IGFBP5: variants seen among roughly 807,000 people sequenced by gnomAD.
The protein encoded by IGFBP5 is insulin-like growth factor-binding protein 5.
Under a neutral mutation model 28.0 loss-of-function variants are expected in IGFBP5, and 12 were observed. The ratio of observed to expected loss-of-function variants is 0.43; its 90% CI spans 0.27 to 0.69. The LOEUF is 0.69. Among genes scored for constraint, IGFBP5 ranks in the 30% least tolerant of loss-of-function variants. The pLI, the probability that IGFBP5 is intolerant of heterozygous loss-of-function variation, is 0.20. For missense variants in IGFBP5, 344 were observed against 381.6 expected, an observed-to-expected ratio of 0.90 and a Z score of 0.82; for synonymous variants, 152 against 150.2, an observed-to-expected ratio of 1.01 and a Z score of -0.09.
chr2:216,681,401 G>T (rs1457247549), intron 1 of IGFBP5, among the ~76,000 whole-genome samples: 2 of 152,280 alleles, frequency 1.3e-5, no homozygotes, highest in Admixed American at 6.5e-5. Flanking sequence ...GAGGGCAGGT[G>T]GGGGAGTGGG....
chr2:216,691,629 A>G (rs954324996), intron 1 of IGFBP5, among the ~76,000 whole-genome samples: 1 of 151,898 alleles, frequency 6.6e-6, no homozygotes, highest in African/African-American at 2.4e-5. Context: ...CCAGTTGCTC[A>G]GCAACAGCCT....
At chr2:216,684,361 G>C (rs1689011905) in intron 1 of IGFBP5, among the ~76,000 whole-genome samples, 1 of 152,294 alleles carries the variant, frequency 6.6e-6, no homozygotes, top group Middle Eastern at 3.4e-3. Flanking sequence ...GCCTGTTCCT[G>C]GGCTGGTGTT....
intron 1 of IGFBP5, among the ~76,000 whole-genome samples, chr2:216,681,452 G>A (rs1465324737): frequency 2.0e-5 from 3 of 152,288 alleles, no homozygotes; most frequent in African/African-American, 2.4e-5. Flanking sequence ...GTCTCCTTCA[G>A]TGGGCTGCCC....
intron 1 of IGFBP5, among the ~76,000 whole-genome samples, chr2:216,683,407 T>C (rs1689002269): frequency 6.6e-6 from 1 of 152,150 alleles, no homozygotes; most frequent in South Asian, 2.1e-4. Flanking sequence ...TTTGGGTGCC[T>C]CCCTCTCCTA....
Position 216,692,033 on chromosome 2 carries a change from C to T in IGFBP5, c.337+2406G>A, listed in dbSNP as rs1054511287. 2.0e-5 allele frequency among the ~76,000 whole-genome samples: 3 copies of T among 151,942 alleles called. No individual in the cohort carries two copies. The highest frequency in any genetic ancestry group is 7.3e-5 in the African/African-American group (3 of 41,330). ...ACTCTCCCTCTCTCTGTCCATTTCTCTCTCCTTAAGAACGGTCTCTACACC... is the reference window on the plus strand; with the variant it reads ...ACTCTCCCTCTCTCTGTCCATTTCTTTCTCCTTAAGAACGGTCTCTACACC... On this transcript the variant is annotated intron_variant, in intron 1 of 3. Transcript: ENST00000233813. The surrounding 1 kb of genome is among the most constrained non-coding windows in gnomAD (Gnocchi z 4.2).
At chr2:216,693,465 G>T in intron 1 of IGFBP5, among the ~76,000 whole-genome samples, 1 of 141,496 alleles carries the variant, frequency 7.1e-6, no homozygotes, top group South Asian at 2.6e-4. Flanking sequence ...ATTGCGGAGG[G>T]AGGAATTGCG....
rs748988987 is a variant in IGFBP5, at chr2:216,678,241, C to T, written c.568-10G>A. 1.3e-6 allele frequency: 2 copies of T among 1,540,728 alleles called. No individual in the cohort carries two copies. The highest frequency in any genetic ancestry group is 1.8e-6 in the Non-Finnish European group (2 of 1,139,342). On this transcript the variant is annotated splice_polypyrimidine_tract_variant and intron_variant, in intron 2 of 3. Coordinates refer to ENST00000233813, the MANE Select transcript of IGFBP5 (RefSeq NM_000599.4). ...GTCTGCGGCAGGGGCCCTGTGTGGACAGGAGGGTGAGAGGCGTGGCGAGAC... is the reference window on the plus strand; with the variant it reads ...GTCTGCGGCAGGGGCCCTGTGTGGATAGGAGGGTGAGAGGCGTGGCGAGAC...
intron 1 of IGFBP5, among the ~76,000 whole-genome samples, chr2:216,691,902 G>A (rs1559189291): frequency 1.4e-5 from 2 of 145,546 alleles, no homozygotes; most frequent in African/African-American, 5.1e-5. Flanking sequence ...GGGAGGGAGG[G>A]GGCAAATCCA....
Position 216,676,459 on chromosome 2 carries a change from CTCTTCCTCTCGT to C in IGFBP5, c.*280_*291del. 8.7e-6 allele frequency: 2 copies of C among 230,850 alleles called. No individual in the cohort carries two copies. Among genetic ancestry groups the C allele is most frequent in the South Asian group, 1.1e-4 (2 of 17,404 alleles). The allele number at this position is 230,850 out of a possible 1,614,324, so 14.3% of individuals were successfully genotyped here. ...TTCTACACAAACACTTCCTTCCCTT[CTCTTCCTCTCGT>C]TCTTCCTCTCTTCCCTTCTCTGTTC... is the stretch of plus-strand genomic sequence containing the variant. On this transcript the variant is annotated 3_prime_UTR_variant, in exon 4 of 4. Transcript: ENST00000233813.
intron 1 of IGFBP5, among the ~76,000 whole-genome samples, chr2:216,689,207 G>T (rs10932672): frequency 6.6e-6 from 1 of 152,132 alleles, no homozygotes; most frequent in Non-Finnish European, 1.5e-5. Flanking sequence ...ACTACAGGCC[G>T]CTGCACAGCT....
rs1245199524 is a variant in IGFBP5, at chr2:216,674,260, A to G, written c.*2491T>C. ...CAGTGACGTGGAAGAGGTTTGGGAT[A>G]CTGGCCTAAGACATACAGAAACGTG... is the stretch of plus-strand genomic sequence containing the variant. On this transcript the variant is annotated 3_prime_UTR_variant, in exon 4 of 4. Coordinates refer to ENST00000233813, the MANE Select transcript of IGFBP5 (RefSeq NM_000599.4). This position sits in a 1 kb window ranked among gnomAD's most constrained non-coding sequence, Gnocchi z 4.4. The G allele has an allele frequency of 6.5e-6, 1 of 153,360 alleles. No individual in the cohort carries two copies. The highest frequency in any genetic ancestry group is 1.5e-5 in the Non-Finnish European group (1 of 68,100). 9.5% of individuals were successfully genotyped at this position (153,360 alleles called of 1,614,324 possible).
rs1002511997 is a variant in IGFBP5 at position 216,674,254 on chromosome 2, T to G, written c.*2497A>C. The stretch of plus-strand genomic sequence containing the variant: ...AAAGAACAGTGACGTGGAAGAGGTT[T>G]GGGATACTGGCCTAAGACATACAGA... On this transcript the variant is annotated 3_prime_UTR_variant, in exon 4 of 4. Coordinates refer to ENST00000233813, the MANE Select transcript of IGFBP5 (RefSeq NM_000599.4). This position sits in a 1 kb window ranked among gnomAD's most constrained non-coding sequence, Gnocchi z 4.4. 2 of 153,324 alleles carry G rather than the reference T, an allele frequency of 1.3e-5. No individual in the cohort carries two copies. The highest frequency in any genetic ancestry group is 2.9e-5 in the Non-Finnish European group (2 of 68,120). 9.5% of individuals were successfully genotyped at this position (153,324 alleles called of 1,614,324 possible).
intron 1 of IGFBP5, among the ~76,000 whole-genome samples, chr2:216,689,185 A>G (rs1328877058): frequency 6.6e-6 from 1 of 152,088 alleles, no homozygotes; most frequent in East Asian, 1.9e-4. Context: ...CTTCTGCACC[A>G]TGTTCTTCAA....
rs549562366 is a variant in IGFBP5 at position 216,672,322 on chromosome 2, C to CTTTT, written c.*4425_*4428dup. 1.1e-5 allele frequency: 1 copy of CTTTT among 93,042 alleles called. No individual in the cohort carries two copies. Among genetic ancestry groups the CTTTT allele is most frequent in the African/African-American group, 4.1e-5 (1 of 24,182 alleles). The allele number at this position is 93,042 out of a possible 1,614,324, so 5.8% of individuals were successfully genotyped here. ...CAGGTGTTTTTTTTTTTTTTTTCGG[C>CTTTT]TTTTTTTTTTTTTTCTCACAAACTG... On this transcript the variant is annotated 3_prime_UTR_variant, in exon 4 of 4. Coordinates refer to ENST00000233813, the MANE Select transcript of IGFBP5 (RefSeq NM_000599.4).
chr2:216,694,670 A>T lies in IGFBP5; in HGVS notation c.106T>A (p.Ser36Thr), dbSNP rs1160576559. 18 of 1,526,434 alleles carry T rather than the reference A, an allele frequency of 1.2e-5. No homozygotes were observed. The highest frequency in any genetic ancestry group is 1.6e-5 in the Non-Finnish European group (18 of 1,140,508). 94.6% of individuals were successfully genotyped at this position (1,526,434 alleles called of 1,614,324 possible). The change falls in exon 1 of 4, where the codon TCC becomes ACC. Residue 36 changes from serine (S) to threonine (T), a missense_variant. By Grantham distance (58) the Ser-to-Thr change is moderately conservative (BLOSUM62 1). Coordinates refer to ENST00000233813, the MANE Select transcript of IGFBP5 (RefSeq NM_000599.4). The surrounding 1 kb of genome is among the most constrained non-coding windows in gnomAD (Gnocchi z 5.2). The stretch of plus-strand genomic sequence containing the variant: ...CCCAGGGGGCTGGGGGGGCACATGG[A>T]GAGGGCTTTCTCGTCGCAGGGCTCG... ...HCEPCDEKAL[S>T]MCPPSPLGCE...
Position 216,694,641 on chromosome 2 carries a change from G to T in IGFBP5, c.135C>A (p.Cys45Ter). ...LSMCPPSPLG[C>*]ELVKEPGCGC... is the part of the protein sequence containing the mutation. Reference sequence around the variant, plus strand: ...CGCAGCCCGGCTCCTTGACCAGCTCGCAGCCCAGGGGGCTGGGGGGGCACA... The same window carrying T: ...CGCAGCCCGGCTCCTTGACCAGCTCTCAGCCCAGGGGGCTGGGGGGGCACA... Residue 45 changes from cysteine to a stop codon, truncating the protein, a stop_gained, in exon 1 of 4, where the codon TGC becomes TGA. Coordinates refer to ENST00000233813, the MANE Select transcript of IGFBP5 (RefSeq NM_000599.4). LOFTEE classifies it high-confidence loss of function. The surrounding 1 kb of genome is among the most constrained non-coding windows in gnomAD (Gnocchi z 5.2). 6.5e-7 allele frequency: 1 copy of T among 1,531,710 alleles called. No homozygotes were observed. The highest frequency in any genetic ancestry group is 2.4e-5 in the East Asian group (1 of 41,002). 94.9% of individuals were successfully genotyped at this position (1,531,710 alleles called of 1,614,324 possible).
In IGFBP5 at chr2:216,678,107, C is replaced by T. The variant is rs367834399; in HGVS notation, c.687+5G>A. 156 of 1,502,800 alleles carry T rather than the reference C, an allele frequency of 1.0e-4. 2 individuals are homozygous for T. The South Asian group carries it at 1.6e-3, about 16-fold the overall frequency. The allele number at this position is 1,502,800 out of a possible 1,614,324, so 93.1% of individuals were successfully genotyped here. A position where few individuals can be genotyped will look rare whatever the true frequency, so the allele number is the denominator to read the frequency against. ...TGAGCCTGGAGCTCAGGGCAGGGGA[C>T]GTACCTGCTTTCTCTTGTAGAATCC... On this transcript the variant is annotated splice_donor_5th_base_variant and intron_variant, in intron 3 of 3. Transcript: ENST00000233813.
At chr2:216,693,580 T>C (rs1689127691) in intron 1 of IGFBP5, among the ~76,000 whole-genome samples, 1 of 151,904 alleles carries the variant, frequency 6.6e-6, no homozygotes, top group African/African-American at 2.4e-5. Flanking sequence ...ATGTCCACCT[T>C]TCATCCTAGG....
intron 1 of IGFBP5, among the ~76,000 whole-genome samples, chr2:216,683,558 A>T (rs1689004200): frequency 6.6e-6 from 1 of 152,154 alleles, no homozygotes; most frequent in South Asian, 2.1e-4. Context: ...GGGAGAGGGG[A>T]ACAGGGCTTG....
Sources: allele counts gnomAD v4.1 joint callset (sites outside exome capture counted in the v4.1 genomes callset), GRCh38; gene constraint gnomAD v4.1.1; non-coding constraint Gnocchi (gnomAD v3.1); transcripts MANE v1.5; gene names NCBI Gene and HGNC (gene_info 2026-07-23, HGNC 2026-07-21).